Variants in PDE9A observed in about 807,000 individuals in gnomAD.
The protein encoded by PDE9A is phosphodiesterase 9A.
PDE9A carries 60 observed loss-of-function variants against 87.4 expected under a neutral mutation model. That is an observed-to-expected ratio of 0.69 (90% CI 0.56 to 0.85). The LOEUF (loss-of-function observed/expected upper bound fraction) is 0.85, where lower values mean the gene tolerates loss of function less well. Among genes scored for constraint, PDE9A ranks in the 40% least tolerant of loss-of-function variants. PDE9A has a pLI of 0.00. For missense variants in PDE9A, 665 were observed against 779.0 expected (o/e 0.85, Z 1.74); for synonymous variants, 272 against 279.4 (o/e 0.97, Z 0.27).
intron 1 of PDE9A, among the ~76,000 whole-genome samples, chr21:42,681,836 A>G (rs772198214): frequency 1.6e-4 from 25 of 152,178 alleles, no homozygotes; most frequent in Non-Finnish European, 3.5e-4. Flanking sequence ...ATTTCATTTT[A>G]TCAACTTTTT....
At chr21:42,731,694 GCC>G in intron 4 of PDE9A, 74 bp from the exon 5 acceptor site, 1 of 1,401,362 alleles carries the variant, frequency 7.1e-7, no homozygotes, top group Non-Finnish European at 9.8e-7. Context: ...CCCAGTAATT[GCC>G]CCCATAAAAT....
intron 8 of PDE9A, among the ~76,000 whole-genome samples, chr21:42,744,981 C>A (rs1329321081): frequency 6.6e-6 from 1 of 152,180 alleles, no homozygotes; most frequent in Non-Finnish European, 1.5e-5. Context: ...CTCATGGTTC[C>A]CCAGAGTGCC....
intron 19 of PDE9A, 48 bp from the exon 20 acceptor site, chr21:42,775,232 G>A (rs369807137): frequency 5.0e-6 from 8 of 1,602,858 alleles, no homozygotes; most frequent in East Asian, 2.2e-5. Context: ...GAGCCACCGC[G>A]CCCTAATTCT....
chr21:42,730,378 C>G (rs1368178229), intron 4 of PDE9A, among the ~76,000 whole-genome samples: 1 of 152,118 alleles, frequency 6.6e-6, no homozygotes, highest in African/African-American at 2.4e-5. Context: ...CTGGTCTACC[C>G]TCTCGTTTGA....
At chr21:42,727,716 T>G (rs1318112558) in intron 4 of PDE9A, among the ~76,000 whole-genome samples, 1 of 152,148 alleles carries the variant, frequency 6.6e-6, no homozygotes, top group African/African-American at 2.4e-5. Context: ...TTTTGTATGC[T>G]TTCCACCCTG....
chr21:42,729,117 C>T (rs1029540498), intron 4 of PDE9A, among the ~76,000 whole-genome samples: 1 of 151,914 alleles, frequency 6.6e-6, no homozygotes, highest in Non-Finnish European at 1.5e-5. Flanking sequence ...ATGTTTAGAA[C>T]CATCTTGGCC....
At chr21:42,685,834 G>A (rs896727501) in intron 1 of PDE9A, among the ~76,000 whole-genome samples, 1 of 152,090 alleles carries the variant, frequency 6.6e-6, no homozygotes, top group African/African-American at 2.4e-5. Context: ...TAGCCCCCAT[G>A]AGATACTTGA....
At chr21:42,658,411 G>T (rs753004497) in intron 1 of PDE9A, among the ~76,000 whole-genome samples, 4 of 152,202 alleles carry the variant, frequency 2.6e-5, no homozygotes, top group Non-Finnish European at 5.9e-5. Flanking sequence ...GTTTCCCCCA[G>T]CTCCTCAGGG....
At chr21:42,745,495 C>T (rs2053750155) in intron 8 of PDE9A, among the ~76,000 whole-genome samples, 1 of 152,230 alleles carries the variant, frequency 6.6e-6, no homozygotes, top group South Asian at 2.1e-4. Context: ...CATTTGTGAG[C>T]CAAGGAAGAG....
intron 10 of PDE9A, 32 bp downstream of exon 10, chr21:42,754,096 AG>A: frequency 2.1e-6 from 3 of 1,436,060 alleles, no homozygotes; most frequent in Non-Finnish European, 2.0e-6. Flanking sequence ...ACCACGTCCC[AG>A]GGGGAGGCAG....
At chr21:42,726,624 A>ATATATATATATATATATTTTTTT in intron 4 of PDE9A, among the ~76,000 whole-genome samples, 2 of 19,772 alleles carry the variant, frequency 1.0e-4, no homozygotes, top group African/African-American at 3.4e-4. Flanking sequence ...ATATATATAT[A>ATATATATATATATATATTTTTTT]TTTTTTTTTT....
At chr21:42,707,229 A>G (rs1005797016) in intron 4 of PDE9A, among the ~76,000 whole-genome samples, 1 of 152,230 alleles carries the variant, frequency 6.6e-6, no homozygotes, top group African/African-American at 2.4e-5. Flanking sequence ...AGAAGTGCTG[A>G]AAGTTCACAG....
rs2057378856 is a variant in PDE9A, at chr21:42,660,211, A to G, written c.69+6328A>G. 6.6e-6 allele frequency among the ~76,000 whole-genome samples: 1 copy of G among 152,228 alleles called. No homozygotes were observed. The highest frequency in any genetic ancestry group is 1.5e-5 in the Non-Finnish European group (1 of 68,042). ...AAGGTTTTGGGCAAGAAGGGCCCAG[A>G]GAGCCCCCAGAGACCAGACGGCACA... On this transcript the variant is annotated intron_variant, in intron 1 of 19. Transcript: ENST00000291539. This position sits in a 1 kb window ranked among gnomAD's most constrained non-coding sequence, Gnocchi z 4.7.
intron 1 of PDE9A, 121 bp downstream of exon 1, chr21:42,654,004 G>A (rs1177651206): frequency 6.5e-5 from 23 of 351,286 alleles, no homozygotes; most frequent in Non-Finnish European, 1.0e-5. Context: ...CGTGCGCTCC[G>A]CCAGCTCTGG....
intron 1 of PDE9A, among the ~76,000 whole-genome samples, chr21:42,661,327 C>G (rs1055159925): frequency 6.9e-5 from 10 of 144,802 alleles, no homozygotes; most frequent in Admixed American, 6.0e-4. Flanking sequence ...CCACGCCCAG[C>G]CTTTTTTTTT....
In PDE9A at chr21:42,743,757, T is replaced by C. The variant is rs368771982; in HGVS notation, c.569-19T>C. ...TTCGTCCGTGGTAACCCCCTTGCTG[T>C]CTCTCTCTCTGTCACCAGTGGAAGG... is the stretch of plus-strand genomic sequence containing the variant. On this transcript the variant is annotated intron_variant, in intron 7 of 19. Coordinates refer to ENST00000291539, the MANE Select transcript of PDE9A (RefSeq NM_002606.3). The C allele has an allele frequency of 4.2e-5, 62 of 1,461,458 alleles. No individual in the cohort carries two copies. Among genetic ancestry groups the C allele is most frequent in the Non-Finnish European group, 5.6e-5 (59 of 1,058,764 alleles). 90.5% of individuals were successfully genotyped at this position (1,461,458 alleles called of 1,614,324 possible). A position where few individuals can be genotyped will look rare whatever the true frequency, so the allele number is the denominator to read the frequency against.
At chr21:42,663,009 CCACA>C (rs751256674) in intron 1 of PDE9A, among the ~76,000 whole-genome samples, 1 of 148,378 alleles carries the variant, frequency 6.7e-6, no homozygotes, top group East Asian at 2.0e-4. Context: ...CACACGCACA[CCACA>C]CACACGCACA....
rs370830463 is a variant in PDE9A at position 42,775,342 on chromosome 21, G to C, written c.*49G>C. The C allele has an allele frequency of 2.2e-5, 35 of 1,590,182 alleles. No homozygotes were observed. Among genetic ancestry groups the C allele is most frequent in the Middle Eastern group, 3.3e-4 (2 of 5,990 alleles). On this transcript the variant is annotated 3_prime_UTR_variant, in exon 20 of 20. Transcript: ENST00000291539. ...GTTCTGGACGGGCTGGCCGAGCTGC[G>C]CGGGATCCTTGTGCAGGGAAGAGCT... is the stretch of plus-strand genomic sequence containing the variant.
intron 7 of PDE9A, among the ~76,000 whole-genome samples, chr21:42,740,778 T>TAGATAGAC (rs1555934875): frequency 6.6e-6 from 1 of 151,390 alleles, no homozygotes; most frequent in Non-Finnish European, 1.5e-5. Context: ...GATAGATAGA[T>TAGATAGAC]AGATAGATAG....
Sources: gnomAD v4.1 joint callset for allele counts (sites outside exome capture counted in the v4.1 genomes callset) on GRCh38, gnomAD v4.1.1 for gene constraint, Gnocchi (gnomAD v3.1) non-coding constraint, MANE v1.5 for transcripts, NCBI Gene and HGNC (gene_info 2026-07-23, HGNC 2026-07-21) for gene names.